YIPF5: variants seen among roughly 807,000 people sequenced by gnomAD.
The protein encoded by YIPF5 is protein YIPF5.
YIPF5 carries 8 observed loss-of-function variants against 30.4 expected under a neutral mutation model. The observed-to-expected ratio is 0.26, with a 90% CI of 0.15 to 0.47. YIPF5 has a LOEUF of 0.47. YIPF5 is among the 20% of genes least tolerant of loss of function. The probability of loss-of-function intolerance (pLI) is 0.99; values close to 1 mark genes in which losing one functional copy is unlikely to be tolerated. For missense variants in YIPF5, 282 were observed against 301.8 expected (o/e 0.93, Z 0.49); for synonymous variants, 104 against 107.9 (o/e 0.96, Z 0.23).
intron 3 of YIPF5, among the ~76,000 whole-genome samples, chr5:144,164,947 T>C (rs1374502517): frequency 2.6e-5 from 4 of 152,196 alleles, no homozygotes; most frequent in African/African-American, 9.6e-5. Flanking sequence ...TACGTCTCTA[T>C]GCATATGTGT....
intron 5 of YIPF5, 112 bp downstream of exon 5, chr5:144,162,106 G>A (rs955721781): frequency 1.8e-5 from 21 of 1,157,076 alleles, no homozygotes; most frequent in Middle Eastern, 2.0e-4. Flanking sequence ...TACTACAAGA[G>A]GCACTATCTG....
At chr5:144,164,825 A>C (rs1394296709) in intron 3 of YIPF5, among the ~76,000 whole-genome samples, 2 of 152,150 alleles carry the variant, frequency 1.3e-5, no homozygotes, top group Non-Finnish European at 2.9e-5. Flanking sequence ...CACTTATTAC[A>C]TCCCTTAGGT....
intron 5 of YIPF5, 34 bp downstream of exon 5, chr5:144,162,184 T>C (rs948692350): frequency 6.3e-7 from 1 of 1,599,632 alleles, no homozygotes; most frequent in Non-Finnish European, 8.5e-7. Context: ...ATAGAATTGG[T>C]CAATCAACCC....
chr5:144,170,495 A>T (rs907105672), intron 1 of YIPF5, 40 bp downstream of exon 1: 3 of 161,140 alleles, frequency 1.9e-5, no homozygotes, highest in African/African-American at 7.2e-5. Context: ...ACGGGTGTGG[A>T]GAGAAGCTGA....
At chr5:144,163,916 G>T in intron 4 of YIPF5, 195 bp downstream of exon 4, 3 of 482,040 alleles carry the variant, frequency 6.2e-6, no homozygotes, top group Non-Finnish European at 9.9e-6. Context: ...AAAAAGAAAT[G>T]ATTTTTAAAA....
Position 144,159,373 on chromosome 5 carries a change from G to A in YIPF5, c.*1024C>T. 1.0e-6 allele frequency: 1 copy of A among 984,640 alleles called. No homozygotes were observed. Among genetic ancestry groups the A allele is most frequent in the Non-Finnish European group, 1.2e-6 (1 of 829,256 alleles). The allele number at this position is 984,640 out of a possible 1,614,324, so 61.0% of individuals were successfully genotyped here. On this transcript the variant is annotated 3_prime_UTR_variant, in exon 6 of 6. Transcript: ENST00000274496. ...TAAATATTTTCCTTAAAAAAGGTTA[G>A]TGATTTTTTTATTATTTTTGGGAAA...
intron 5 of YIPF5, among the ~76,000 whole-genome samples, 193 bp downstream of exon 5, chr5:144,162,025 G>A (rs1189200329): frequency 2.0e-5 from 3 of 152,162 alleles, no homozygotes; most frequent in African/African-American, 7.2e-5. Context: ...GTAAAATAGA[G>A]ATGGTATAAA....
chr5:144,166,646 T>C (rs1752209668), intron 2 of YIPF5, among the ~76,000 whole-genome samples: 1 of 152,186 alleles, frequency 6.6e-6, no homozygotes, highest in South Asian at 2.1e-4. Flanking sequence ...AGTTTATCAG[T>C]TGTTCTTTCA....
rs868767516 is a variant in YIPF5, at chr5:144,159,685, T to G, written c.*712A>C. On this transcript the variant is annotated 3_prime_UTR_variant, in exon 6 of 6. Transcript: ENST00000274496. Reference sequence around the variant, plus strand: ...TTCCTAAATCCTTGGAAAAATATTTTTGCAGTAAGTCTTGTGTCTCCTTTT... The same window carrying G: ...TTCCTAAATCCTTGGAAAAATATTTGTGCAGTAAGTCTTGTGTCTCCTTTT... 1.0e-6 allele frequency: 1 copy of G among 984,560 alleles called. No individual in the cohort carries two copies. The highest frequency in any genetic ancestry group is 1.8e-5 in the African/African-American group (1 of 57,062). The allele number at this position is 984,560 out of a possible 1,614,324, so 61.0% of individuals were successfully genotyped here. A position where few individuals can be genotyped will look rare whatever the true frequency, so the allele number is the denominator to read the frequency against.
rs1392957874 is a variant in YIPF5, at chr5:144,169,916, T to C, written c.40A>G (p.Thr14Ala). 7 of 1,614,232 alleles carry C rather than the reference T, an allele frequency of 4.3e-6. No homozygotes were observed. Among genetic ancestry groups the C allele is most frequent in the South Asian group, 1.1e-5 (1 of 91,086 alleles). ...GACTGATCATCGATGCTGTAACTTG[T>C]CTGGTAGAAATCCGTGTTTAAGTTT... is the stretch of plus-strand genomic sequence containing the variant. The part of the protein sequence containing the change: ...FENLNTDFYQ[T>A]SYSIDDQSQQ... The change falls in exon 2 of 6, where the codon ACA (threonine) becomes GCA (alanine). Residue 14 changes from threonine to alanine, a missense_variant. Thr to Ala is a moderately conservative substitution (Grantham distance 58). Transcript: ENST00000274496.
At chr5:144,166,039 T>C (rs1752194005) in intron 2 of YIPF5, among the ~76,000 whole-genome samples, 1 of 152,208 alleles carries the variant, frequency 6.6e-6, no homozygotes, top group Non-Finnish European at 1.5e-5. Flanking sequence ...AATTTTTCAC[T>C]GTAATTTGGA....
At position 144,160,250 on chromosome 5, in the gene YIPF5, A is replaced by C. The variant is rs888002951; in HGVS notation, c.*147T>G. ...ATGCAAAAGTTCTATAAAAATGAAC[A>C]AGAGATACACGTTTACTTTCATTGC... On this transcript the variant is annotated 3_prime_UTR_variant, in exon 6 of 6. Transcript: ENST00000274496. The C allele has an allele frequency of 2.6e-5, 38 of 1,468,906 alleles. No homozygotes were observed. In the African/African-American group the frequency reaches 4.6e-4, roughly 18 times the overall value. 91.0% of individuals were successfully genotyped at this position (1,468,906 alleles called of 1,614,324 possible).
chr5:144,165,648 C>T, intron 2 of YIPF5, 44 bp from the exon 3 acceptor site: 1 of 1,600,084 alleles, frequency 6.2e-7, no homozygotes, highest in South Asian at 1.1e-5. Flanking sequence ...TATTTCAACT[C>T]TGTACAGTTA....
At chr5:144,162,702 C>T in intron 4 of YIPF5, among the ~76,000 whole-genome samples, 1 of 152,146 alleles carries the variant, frequency 6.6e-6, no homozygotes, top group East Asian at 1.9e-4. Flanking sequence ...CTAAAAAGAA[C>T]TCTGGATGAT....
chr5:144,160,136 G>C lies in YIPF5; in HGVS notation c.*261C>G. 8.6e-7 allele frequency: 1 copy of C among 1,157,552 alleles called. No homozygotes were observed. The highest frequency in any genetic ancestry group is 1.1e-6 in the Non-Finnish European group (1 of 942,204). 71.7% of individuals were successfully genotyped at this position (1,157,552 alleles called of 1,614,324 possible). On this transcript the variant is annotated 3_prime_UTR_variant, in exon 6 of 6. Coordinates refer to ENST00000274496, the MANE Select transcript of YIPF5 (RefSeq NM_030799.9). ...TTGCAAGGAAAAAGGTTTTTCAATGGCTGCAGGAACCAGAAAGAAATAGCA... is the reference window on the plus strand; with the variant it reads ...TTGCAAGGAAAAAGGTTTTTCAATGCCTGCAGGAACCAGAAAGAAATAGCA...
intron 2 of YIPF5, among the ~76,000 whole-genome samples, chr5:144,169,636 T>C (rs146814502): frequency 6.6e-6 from 1 of 152,172 alleles, no homozygotes; most frequent in Admixed American, 6.5e-5. Flanking sequence ...ACCTGAAGAG[T>C]TTGCAGAAGA....
chr5:144,160,501 A>T lies in YIPF5; in HGVS notation c.670T>A (p.Ser224Thr), dbSNP rs752097989. The T allele has an allele frequency of 1.9e-6, 3 of 1,614,052 alleles. No homozygotes were observed. In the African/African-American group the frequency reaches 4.0e-5, roughly 22 times the overall value. The change falls in exon 6 of 6, where the codon TCC becomes ACC. Residue 224 changes from serine to threonine, a missense_variant. Ser to Thr is a moderately conservative substitution (Grantham distance 58). Coordinates refer to ENST00000274496, the MANE Select transcript of YIPF5 (RefSeq NM_030799.9). ...GIIGWCSFSA[S>T]KIFISALAME... Reference sequence around the variant, plus strand: ...GCTAATGCAGAAATAAATATTTTGGAAGCAGAAAAACTACACCATCCAATA... The same window carrying T: ...GCTAATGCAGAAATAAATATTTTGGTAGCAGAAAAACTACACCATCCAATA...
chr5:144,170,202 C>T (rs1010128420), intron 1 of YIPF5: 12 of 502,066 alleles, frequency 2.4e-5, no homozygotes, highest in African/African-American at 2.1e-4. Flanking sequence ...AGCTGATATG[C>T]CTTCCATTAG....
At position 144,159,219 on chromosome 5, in the gene YIPF5, A is replaced by G. The variant is rs1279342532; in HGVS notation, c.*1178T>C. 3 of 983,246 alleles carry G rather than the reference A, an allele frequency of 3.1e-6. No homozygotes were observed. In the African/African-American group the frequency reaches 5.2e-5, roughly 17 times the overall value. The allele number at this position is 983,246 out of a possible 1,614,324, so 60.9% of individuals were successfully genotyped here. ...GTCAAAATCAGAGCCTAGTTAAAAA[A>G]GAGACAAAGAGAACAGTAGTTTAGT... On this transcript the variant is annotated 3_prime_UTR_variant, in exon 6 of 6. Transcript: ENST00000274496.
Sources: allele counts gnomAD v4.1 joint callset (sites outside exome capture counted in the v4.1 genomes callset), GRCh38; gene constraint gnomAD v4.1.1; transcripts MANE v1.5; gene names NCBI Gene and HGNC (gene_info 2026-07-23, HGNC 2026-07-21).